SUGCT: variants seen among roughly 807,000 people sequenced by gnomAD.
SUGCT encodes the protein succinyl-CoA:glutarate-CoA transferase.
Under a neutral mutation model 55.0 loss-of-function variants are expected in SUGCT, and 41 were observed. That is an observed-to-expected ratio of 0.74 (90% CI 0.58 to 0.97). The LOEUF (loss-of-function observed/expected upper bound fraction) is 0.97. Among genes scored for constraint, SUGCT ranks in the 50% least tolerant of loss-of-function variants. The pLI is 0.00. For synonymous variants in SUGCT, 187 were observed against 200.4 expected (o/e 0.93, Z 0.56); for missense variants, 568 against 547.8 (o/e 1.04, Z -0.37).
At chr7:40,440,145 GTTTT>G (rs138984553) in intron 9 of SUGCT, among the ~76,000 whole-genome samples, 32,307 of 69,134 alleles carry the variant, frequency 0.47, 6,289 homozygotes, top group Non-Finnish European at 0.55. Flanking sequence ...GTGTGTGTGT[GTTTT>G]TTTTTTTTTT....
At chr7:40,280,126 A>G (rs997885099) in intron 8 of SUGCT, among the ~76,000 whole-genome samples, 1 of 152,224 alleles carries the variant, frequency 6.6e-6, no homozygotes, top group Non-Finnish European at 1.5e-5. Flanking sequence ...ATTAACTCAG[A>G]AATGATTGCC....
chr7:40,356,568 A>G (rs1797896113), intron 9 of SUGCT, among the ~76,000 whole-genome samples: 1 of 152,194 alleles, frequency 6.6e-6, no homozygotes, highest in Admixed American at 6.5e-5. Context: ...ATATTTTCTG[A>G]AAAGTACTTG....
intron 1 of SUGCT, among the ~76,000 whole-genome samples, chr7:40,166,419 A>G (rs1784426925): frequency 6.6e-6 from 1 of 152,226 alleles, no homozygotes; most frequent in African/African-American, 2.4e-5. Context: ...TTATCAGATA[A>G]TAAAATTCCA....
intron 13 of SUGCT, among the ~76,000 whole-genome samples, chr7:40,781,473 AC>A (rs952243740): frequency 1.3e-5 from 2 of 151,836 alleles, no homozygotes; most frequent in Non-Finnish European, 2.9e-5. Context: ...GAAGATACAC[AC>A]ACACATACAC....
At chr7:41,001,906 T>C in the SUGCT span, among the ~76,000 whole-genome samples, 3 of 152,256 alleles carry the variant, frequency 2.0e-5, no homozygotes, top group African/African-American at 4.8e-5. Flanking sequence ...AGGAATACAG[T>C]ATACAGAAAG....
rs144965265 is a variant in SUGCT at position 40,733,837 on chromosome 7, A to G, written c.1090-15597A>G. Among the ~76,000 whole-genome samples, 298 of 152,332 alleles carry G rather than the reference A, an allele frequency of 2.0e-3. 2 individuals carry two copies. The highest frequency in any genetic ancestry group is 6.9e-3 in the African/African-American group (288 of 41,578). ...GTTCAGATATTGTATGTGCCACGAC[A>G]TCGTTTCCTTTGTGGCTTCCTGATG... is the stretch of plus-strand genomic sequence containing the variant. On this transcript the variant is annotated intron_variant, in intron 12 of 13. Coordinates refer to ENST00000335693, the MANE Select transcript of SUGCT (RefSeq NM_001193313.2).
chr7:40,436,003 G>C (rs1448768829), intron 9 of SUGCT, among the ~76,000 whole-genome samples: 1 of 148,540 alleles, frequency 6.7e-6, no homozygotes, highest in South Asian at 2.1e-4. Context: ...GAGTACAGTG[G>C]CACAATCTCA....
At chr7:40,754,728 A>G (rs1788175138) in intron 13 of SUGCT, among the ~76,000 whole-genome samples, 2 of 152,230 alleles carry the variant, frequency 1.3e-5, no homozygotes, top group African/African-American at 4.8e-5. Context: ...AACTAAGTAC[A>G]AAAACAGTAT....
rs561553163 is a variant in SUGCT, at chr7:40,177,174, A to G, written c.101-3773A>G. 2.0e-5 allele frequency among the ~76,000 whole-genome samples: 3 copies of G among 152,292 alleles called. No homozygotes were observed. The East Asian group carries it at 5.8e-4, about 29-fold the overall frequency. On this transcript the variant is annotated intron_variant, in intron 1 of 13. Transcript: ENST00000335693. ...CCTACAACCCACAACCTAATTTAGT[A>G]GGTAAGCAAACTGAAAACCTAACTT...
At chr7:40,968,755 G>A in the SUGCT span, among the ~76,000 whole-genome samples, 5 of 152,264 alleles carry the variant, frequency 3.3e-5, no homozygotes, top group East Asian at 1.9e-4. Context: ...GCACAGAAGC[G>A]ATCTCTGAAG....
intron 13 of SUGCT, among the ~76,000 whole-genome samples, chr7:40,760,534 C>T (rs1158909124): frequency 6.6e-6 from 1 of 152,030 alleles, no homozygotes; most frequent in Non-Finnish European, 1.5e-5. Context: ...AGTTGCACAA[C>T]AATGTGAATG....
intron 9 of SUGCT, among the ~76,000 whole-genome samples, chr7:40,364,546 A>T (rs1411642709): frequency 6.6e-6 from 1 of 152,030 alleles, no homozygotes; most frequent in Non-Finnish European, 1.5e-5. Flanking sequence ...CTTGTCTGTA[A>T]AGTATTTTAT....
At chr7:41,036,189 T>C in the SUGCT span, among the ~76,000 whole-genome samples, 4 of 152,292 alleles carry the variant, frequency 2.6e-5, no homozygotes, top group Non-Finnish European at 5.9e-5. Context: ...AATGAGTGGA[T>C]GAGCGAGTGC....
At chr7:40,428,864 C>T (rs1023032400) in intron 9 of SUGCT, among the ~76,000 whole-genome samples, 1 of 152,138 alleles carries the variant, frequency 6.6e-6, no homozygotes, top group Non-Finnish European at 1.5e-5. Context: ...ATCTAATGTC[C>T]TTTCCTTTTA....
At chr7:40,212,534 A>G (rs574685169) in intron 6 of SUGCT, among the ~76,000 whole-genome samples, 50 of 149,042 alleles carry the variant, frequency 3.4e-4, no homozygotes, top group African/African-American at 1.2e-3. Context: ...ATAGTTCAAT[A>G]TTTTTTTTTT....
At chr7:40,408,640 T>C (rs921981067) in intron 9 of SUGCT, among the ~76,000 whole-genome samples, 19 of 152,212 alleles carry the variant, frequency 1.2e-4, no homozygotes, top group African/African-American at 3.9e-4. Flanking sequence ...AATTACAACT[T>C]CCATTGAACC....
rs1562612125 is a variant in SUGCT, at chr7:40,249,331, AT to A, written c.576+11606del. Among the ~76,000 whole-genome samples the A allele has an allele frequency of 6.3e-4, 73 of 115,900 alleles. 5 individuals carry two copies. Among genetic ancestry groups the A allele is most frequent in the African/African-American group, 2.4e-3 (70 of 29,302 alleles). The allele number at this position is 115,900 out of a possible 152,430, so 76.0% of individuals were successfully genotyped here. A position where few individuals can be genotyped will look rare whatever the true frequency, so the allele number is the denominator to read the frequency against. ...CAAAAAGCTATATATATATATATAT[AT>A]ATATATATATATATAATTATATTAT... On this transcript the variant is annotated intron_variant, in intron 7 of 13. Transcript: ENST00000335693.
At chr7:40,413,535 C>T (rs1295063571) in intron 9 of SUGCT, among the ~76,000 whole-genome samples, 9 of 152,122 alleles carry the variant, frequency 5.9e-5, no homozygotes, top group Admixed American at 4.6e-4. Flanking sequence ...CAGGAATGTA[C>T]ATTTTAAATG....
At chr7:40,539,793 T>A (rs1794573345) in intron 12 of SUGCT, 1 of 152,232 alleles carries the variant, frequency 6.6e-6, no homozygotes, top group African/African-American at 2.4e-5. Flanking sequence ...TGGAATTATG[T>A]TAAGAATATG....
Sources: allele counts gnomAD v4.1 joint callset (sites outside exome capture counted in the v4.1 genomes callset), GRCh38; gene constraint gnomAD v4.1.1; transcripts MANE v1.5; gene names NCBI Gene and HGNC (gene_info 2026-07-23, HGNC 2026-07-21).